Variants in ABHD12 observed in about 807,000 individuals in gnomAD.
ABHD12 encodes the protein lysophosphatidylserine lipase ABHD12.
Under a neutral mutation model 58.3 loss-of-function variants are expected in ABHD12, and 43 were observed. The ratio of observed to expected loss-of-function variants is 0.74; its 90% CI spans 0.58 to 0.95. The LOEUF is 0.95. Ranked by LOEUF, ABHD12 falls within the 40% of genes least tolerant of loss-of-function variation. The probability of loss-of-function intolerance (pLI) is 0.00; values close to 1 mark genes in which losing one functional copy is unlikely to be tolerated. For missense variants in ABHD12, 539 were observed against 537.2 expected, an observed-to-expected ratio of 1.00 and a Z score of -0.03; for synonymous variants, 219 against 211.2, an observed-to-expected ratio of 1.04 and a Z score of -0.32.
chr20:25,387,313 C>A (rs2090104107), intron 1 of ABHD12, among the ~76,000 whole-genome samples: 1 of 152,154 alleles, frequency 6.6e-6, no homozygotes, highest in Non-Finnish European at 1.5e-5. Flanking sequence ...GTAATCCCAA[C>A]ACTTTGGGAG....
intron 1 of ABHD12, among the ~76,000 whole-genome samples, chr20:25,387,590 TA>T (rs57449867): frequency 3.8e-4 from 43 of 113,044 alleles, no homozygotes; most frequent in East Asian, 1.1e-3. Flanking sequence ...TCATCTCTAT[TA>T]AAAAAAAAAA....
chr20:25,390,652 C>T lies in ABHD12; in HGVS notation c.52G>A (p.Ala18Thr). The T allele has an allele frequency of 6.9e-7, 1 of 1,443,652 alleles. No individual in the cohort carries two copies. The allele number at this position is 1,443,652 out of a possible 1,614,324, so 89.4% of individuals were successfully genotyped here. A position where few individuals can be genotyped will look rare whatever the true frequency, so the allele number is the denominator to read the frequency against. ...GCCGAGCCGGAGGAGGACGAGCCCG[C>T]GGCGGCGCAGCGCTCATGCTCCAAG... ...VALEHERCAA[A>T]GSSSSGSAAA... Residue 18 changes from alanine to threonine, a missense_variant, in exon 1 of 13, where the codon GCG becomes ACG. Physicochemically the swap from Ala to Thr is moderately conservative, Grantham distance 58. Transcript: ENST00000339157.
In ABHD12 at chr20:25,385,412, T is replaced by C. The variant is rs181887465; in HGVS notation, c.191+5101A>G. On this transcript the variant is annotated intron_variant, in intron 1 of 12. Transcript: ENST00000339157. ...AAAACAGGGAAGAAAACTAGGGAAA[T>C]GGCCATAGCTACAGAGGAGAAAAGG... Among the ~76,000 whole-genome samples the C allele has an allele frequency of 2.2e-5, 3 of 138,706 alleles. No homozygotes were observed. The Admixed American group carries it at 2.2e-4, about 10-fold the overall frequency. The allele number at this position is 138,706 out of a possible 152,430, so 91.0% of individuals were successfully genotyped here. A position where few individuals can be genotyped will look rare whatever the true frequency, so the allele number is the denominator to read the frequency against.
intron 4 of ABHD12, among the ~76,000 whole-genome samples, chr20:25,318,665 T>C (rs1347952904): frequency 3.2e-5 from 1 of 30,846 alleles, no homozygotes; most frequent in Non-Finnish European, 7.6e-5. Flanking sequence ...GGCAGGATCT[T>C]TTTTTTTTTT....
At chr20:25,375,295 C>T (rs1047899595) in intron 1 of ABHD12, among the ~76,000 whole-genome samples, 1 of 152,186 alleles carries the variant, frequency 6.6e-6, no homozygotes, top group Non-Finnish European at 1.5e-5. Context: ...CCCTCACAAA[C>T]CCATACACCT....
At chr20:25,331,205 A>AG (rs2089268952) in intron 2 of ABHD12, among the ~76,000 whole-genome samples, 5 of 152,268 alleles carry the variant, frequency 3.3e-5, no homozygotes. Context: ...ACTGGAAGAA[A>AG]GGGTATCAGT....
chr20:25,339,694 C>A, intron 1 of ABHD12: 2 of 1,375,878 alleles, frequency 1.5e-6, no homozygotes, highest in African/African-American at 1.5e-5. Flanking sequence ...CCAGCTGTAA[C>A]CTCGTATCAG....
Position 25,328,487 on chromosome 20 carries a change from C to A in ABHD12, c.317-5057G>T, listed in dbSNP as rs73345069. On this transcript the variant is annotated intron_variant, in intron 2 of 12. Transcript: ENST00000339157. ...GACTCTGACAGATGGGGAGTGGGCA[C>A]CACTGAGGGCCGAGGACACTGGGCT... 6.6e-3 allele frequency among the ~76,000 whole-genome samples: 1,007 copies of A among 152,344 alleles called. 16 individuals are homozygous for A. Among genetic ancestry groups the A allele is most frequent in the African/African-American group, 0.023 (963 of 41,582 alleles).
intron 1 of ABHD12, among the ~76,000 whole-genome samples, chr20:25,362,955 G>GA (rs2089772711): frequency 6.6e-6 from 1 of 151,860 alleles, no homozygotes; most frequent in Non-Finnish European, 1.5e-5. Flanking sequence ...TTACAGGCGT[G>GA]AACCACTGTG....
chr20:25,321,905 T>A (rs1018846102), intron 3 of ABHD12, among the ~76,000 whole-genome samples: 2 of 152,204 alleles, frequency 1.3e-5, no homozygotes, highest in Admixed American at 6.5e-5. Context: ...CCCTTCTTGT[T>A]TTATGTTCTT....
At chr20:25,303,166 G>C in intron 11 of ABHD12, 13 of 1,067,242 alleles carry the variant, frequency 1.2e-5, no homozygotes, top group Non-Finnish European at 1.4e-5. Context: ...TCCTCATCAA[G>C]GGGTTCTTTG....
chr20:25,311,585 C>T (rs1350969889), intron 6 of ABHD12, among the ~76,000 whole-genome samples: 2 of 152,226 alleles, frequency 1.3e-5, no homozygotes, highest in Non-Finnish European at 2.9e-5. Context: ...CTTTGTCCCT[C>T]CCATATCTCC....
chr20:25,307,138 C>T (rs1479533454), intron 9 of ABHD12, among the ~76,000 whole-genome samples: 2 of 152,202 alleles, frequency 1.3e-5, no homozygotes, highest in Non-Finnish European at 2.9e-5. Flanking sequence ...AAGAATCACC[C>T]GCCAGGCCCC....
chr20:25,296,451 T>C, downstream of ABHD12: 1 of 1,613,762 alleles, frequency 6.2e-7, no homozygotes. Context: ...CATCACGGAG[T>C]ATGCACGGGA....
At chr20:25,377,225 T>C (rs983879022) in intron 1 of ABHD12, among the ~76,000 whole-genome samples, 1 of 152,204 alleles carries the variant, frequency 6.6e-6, no homozygotes, top group African/African-American at 2.4e-5. Context: ...GGTTATGCCA[T>C]GATGTGCCTT....
rs552429107 is a variant in ABHD12 at position 25,323,486 on chromosome 20, TACAC to T, written c.317-60_317-57del. 2.9e-4 allele frequency: 322 copies of T among 1,113,024 alleles called. 1 individual carries two copies. The African/African-American group carries it at 4.4e-3, about 15-fold the overall frequency. The allele number at this position is 1,113,024 out of a possible 1,614,324, so 68.9% of individuals were successfully genotyped here. A position where few individuals can be genotyped will look rare whatever the true frequency, so the allele number is the denominator to read the frequency against. ...TTACTGGTGGATGAATACACACATG[TACAC>T]ACAAACATGCATACTCACACACGTG... On this transcript the variant is annotated intron_variant, in intron 2 of 12. Coordinates refer to ENST00000339157, the MANE Select transcript of ABHD12 (RefSeq NM_001042472.3).
chr20:25,373,680 G>GT lies in ABHD12; in HGVS notation c.191+16832dup, dbSNP rs202171106. Among the ~76,000 whole-genome samples, 99 of 149,648 alleles carry GT rather than the reference G, an allele frequency of 6.6e-4. No individual in the cohort carries two copies. In the East Asian group the frequency reaches 0.013, roughly 20 times the overall value. ...CTTTTTTCCTCTGGTTGGTTTGAAGGTTTTTTTTTTCTTTATCACTGATTT... is the reference window on the plus strand; with the variant it reads ...CTTTTTTCCTCTGGTTGGTTTGAAGGTTTTTTTTTTTCTTTATCACTGATTT... On this transcript the variant is annotated intron_variant, in intron 1 of 12. Transcript: ENST00000339157.
At chr20:25,330,249 T>C (rs2089248034) in intron 2 of ABHD12, among the ~76,000 whole-genome samples, 1 of 152,196 alleles carries the variant, frequency 6.6e-6, no homozygotes, top group African/African-American at 2.4e-5. Context: ...TACTGTGCTT[T>C]TCCGACTGGC....
chr20:25,311,888 A>C (rs1211258343), intron 6 of ABHD12, among the ~76,000 whole-genome samples: 1 of 151,848 alleles, frequency 6.6e-6, no homozygotes, highest in Non-Finnish European at 1.5e-5. Context: ...TTGTATTTTT[A>C]GTAGAGGCGG....
Sources: allele counts gnomAD v4.1 joint callset (sites outside exome capture counted in the v4.1 genomes callset), GRCh38; gene constraint gnomAD v4.1.1; transcripts MANE v1.5; gene names NCBI Gene and HGNC (gene_info 2026-07-23, HGNC 2026-07-21).